The following GRK4 variants were observed in gnomAD, a reference collection of about 807,000 sequenced individuals.
GRK4 encodes the protein G protein-coupled receptor kinase 2-like.
In GRK4, 73 loss-of-function variants were observed where a neutral mutation model predicts 77.9. That is an observed-to-expected ratio of 0.94 (90% CI 0.78 to 1.14). GRK4 has a LOEUF of 1.14. GRK4 is among the 50% of genes most tolerant of loss of function. The probability of loss-of-function intolerance (pLI) is 0.00; values close to 1 mark genes in which losing one functional copy is unlikely to be tolerated. For synonymous variants in GRK4, 257 were observed against 254.4 expected (o/e 1.01, Z -0.10); for missense variants, 729 against 700.2 (o/e 1.04, Z -0.46).
intron 8 of GRK4, among the ~76,000 whole-genome samples, chr4:3,015,600 C>G (rs112726658): frequency 6.6e-6 from 1 of 150,488 alleles, no homozygotes; most frequent in Non-Finnish European, 1.5e-5. Flanking sequence ...GCGTGAACCC[C>G]GGAGGCGGAG....
At chr4:3,039,606 G>A (rs1437507484) in intron 15 of GRK4, among the ~76,000 whole-genome samples, 1 of 151,212 alleles carries the variant, frequency 6.6e-6, no homozygotes, top group Admixed American at 6.6e-5. Flanking sequence ...TCTGAGGCAG[G>A]AGAATCGCTT....
chr4:2,991,177 A>G (rs928421349), intron 3 of GRK4, among the ~76,000 whole-genome samples: 6 of 152,192 alleles, frequency 3.9e-5, no homozygotes, highest in Non-Finnish European at 1.5e-5. Context: ...CAGAAGGGGC[A>G]TGGTAGGACT....
intron 4 of GRK4, among the ~76,000 whole-genome samples, chr4:2,994,273 C>T (rs1226508207): frequency 1.3e-5 from 2 of 152,222 alleles, no homozygotes; most frequent in Non-Finnish European, 1.5e-5. Flanking sequence ...TGCAGTGGCA[C>T]GATCTTGGCT....
intron 12 of GRK4, among the ~76,000 whole-genome samples, chr4:3,030,828 G>A (rs1022460215): frequency 1.1e-4 from 16 of 152,204 alleles, no homozygotes; most frequent in Non-Finnish European, 1.8e-4. Context: ...AGCCTTGAGT[G>A]TTGCTTCCTC....
intron 8 of GRK4, among the ~76,000 whole-genome samples, chr4:3,014,918 C>A (rs983516773): frequency 6.6e-6 from 1 of 152,192 alleles, no homozygotes; most frequent in African/African-American, 2.4e-5. Flanking sequence ...TGAGCTACCA[C>A]GTCTGGCTGA....
At chr4:3,007,690 T>G in intron 5 of GRK4, 46 bp from the exon 6 acceptor site, 1 of 1,233,526 alleles carries the variant, frequency 8.1e-7, no homozygotes, top group South Asian at 1.4e-5. Flanking sequence ...TTGTTTTTAT[T>G]TCTTAATACA....
intron 1 of GRK4, chr4:2,965,379 C>G: frequency 1.4e-6 from 1 of 703,060 alleles, no homozygotes; most frequent in Non-Finnish European, 2.6e-6. Flanking sequence ...GACAGAGCCT[C>G]GGACCTCAAG....
At chr4:2,965,590 T>G (rs963175377) in intron 1 of GRK4, 1 of 637,746 alleles carries the variant, frequency 1.6e-6, no homozygotes, top group African/African-American at 1.8e-5. Flanking sequence ...ACGCTTGTAG[T>G]CCCAGCTACT....
At chr4:3,011,544 T>G (rs1485836105) in intron 7 of GRK4, among the ~76,000 whole-genome samples, 1 of 152,252 alleles carries the variant, frequency 6.6e-6, no homozygotes, top group Admixed American at 6.5e-5. Flanking sequence ...GCTGCACGAA[T>G]AAAGCATGGC....
chr4:2,993,234 C>T (rs951323854), intron 4 of GRK4, among the ~76,000 whole-genome samples: 1 of 152,140 alleles, frequency 6.6e-6, no homozygotes, highest in African/African-American at 2.4e-5. Flanking sequence ...TTACTTGGTT[C>T]TTGTAGTTCA....
rs1347531852 is a variant in GRK4 at position 3,019,660 on chromosome 4, A to G, written c.761A>G (p.Tyr254Cys). 2 of 1,613,436 alleles carry G rather than the reference A, an allele frequency of 1.2e-6. No individual in the cohort carries two copies. Among genetic ancestry groups the G allele is most frequent in the African/African-American group, 1.3e-5 (1 of 74,910 alleles). Reference sequence around the variant, plus strand: ...CTTTAGGTTAGTTTAGCCTACGCTTATGAAACCAAAGATGCCTTGTGCTTG... The same window carrying G: ...CTTTAGGTTAGTTTAGCCTACGCTTGTGAAACCAAAGATGCCTTGTGCTTG... ...SRFVVSLAYA[Y>C]ETKDALCLVL... is the part of the protein sequence containing the mutation. Residue 254 changes from tyrosine to cysteine, a missense_variant, in exon 9 of 16, where the codon TAT becomes TGT. Tyr to Cys is a radical substitution (Grantham distance 194, BLOSUM62 -2). Transcript: ENST00000398052.
At position 2,964,006 on chromosome 4, in the gene GRK4, C is replaced by T. The variant is rs1467593076; in HGVS notation, c.-65C>T. 4.1e-6 allele frequency: 6 copies of T among 1,471,278 alleles called. No homozygotes were observed. Among genetic ancestry groups the T allele is most frequent in the East Asian group, 2.3e-5 (1 of 43,480 alleles). 91.1% of individuals were successfully genotyped at this position (1,471,278 alleles called of 1,614,324 possible). A position where few individuals can be genotyped will look rare whatever the true frequency, so the allele number is the denominator to read the frequency against. On this transcript the variant is annotated 5_prime_UTR_variant, in exon 1 of 16. Transcript: ENST00000398052. ...CTATGCACGGGGGCGGCGGCGTCTCCTCCTGTTCCGCCTCCTCAGTCTCCT... is the reference window on the plus strand; with the variant it reads ...CTATGCACGGGGGCGGCGGCGTCTCTTCCTGTTCCGCCTCCTCAGTCTCCT...
At chr4:3,037,093 G>GTA in intron 13 of GRK4, among the ~76,000 whole-genome samples, 1 of 151,678 alleles carries the variant, frequency 6.6e-6, no homozygotes, top group African/African-American at 2.4e-5. Context: ...ATGTGTGTGT[G>GTA]TGTGTGTGTG....
chr4:2,984,363 T>A, intron 1 of GRK4, 150 bp from the exon 2 acceptor site: 1 of 491,338 alleles, frequency 2.0e-6, no homozygotes, highest in South Asian at 2.8e-5. Flanking sequence ...GCTTTCCAGA[T>A]AAGACAAATT....
intron 4 of GRK4, among the ~76,000 whole-genome samples, chr4:2,994,143 G>T (rs1168217595): frequency 2.0e-5 from 3 of 152,304 alleles, no homozygotes; most frequent in East Asian, 3.9e-4. Flanking sequence ...GAGCATATTT[G>T]TAGGTACCCC....
At chr4:2,992,169 A>G in intron 3 of GRK4, 46 bp from the exon 4 acceptor site, 1 of 1,391,886 alleles carries the variant, frequency 7.2e-7, no homozygotes. Context: ...ATGCACCACC[A>G]CACCCAGCTT....
chr4:3,003,703 C>T (rs1006340115), intron 4 of GRK4, among the ~76,000 whole-genome samples: 1 of 151,732 alleles, frequency 6.6e-6, no homozygotes, highest in Non-Finnish European at 1.5e-5. Context: ...TGTTTGAGAC[C>T]CTGCTTTCCA....
intron 2 of GRK4, among the ~76,000 whole-genome samples, chr4:2,986,644 G>A (rs1018112000): frequency 6.6e-5 from 10 of 151,898 alleles, no homozygotes; most frequent in South Asian, 2.1e-4. Flanking sequence ...CTGAGCCACC[G>A]CGCCTGGCCC....
At chr4:3,000,731 A>AT (rs749119482) in intron 4 of GRK4, among the ~76,000 whole-genome samples, 2,782 of 148,622 alleles carry the variant, frequency 0.019, 33 homozygotes, top group Non-Finnish European at 0.028. Flanking sequence ...TGCCCAGCTA[A>AT]TTTTTTTTTT....
Sources: gnomAD v4.1 joint callset for allele counts (sites outside exome capture counted in the v4.1 genomes callset) on GRCh38, gnomAD v4.1.1 for gene constraint, MANE v1.5 for transcripts, NCBI Gene and HGNC (gene_info 2026-07-23, HGNC 2026-07-21) for gene names.